The following PDE1C variants were observed in gnomAD, a reference collection of about 807,000 sequenced individuals.
The protein encoded by PDE1C is dual specificity calcium/calmodulin-dependent 3',5'-cyclic nucleotide phosphodiesterase 1C.
PDE1C carries 62 observed loss-of-function variants against 93.1 expected under a neutral mutation model. The observed-to-expected ratio is 0.67, with a 90% confidence interval of 0.54 to 0.82. The LOEUF (loss-of-function observed/expected upper bound fraction) is 0.82. PDE1C is among the 40% of genes least tolerant of loss of function. The probability of loss-of-function intolerance (pLI) is 0.00; values close to 1 mark genes in which losing one functional copy is unlikely to be tolerated. For synonymous variants in PDE1C, 325 were observed against 310.1 expected (o/e 1.05, Z -0.50); for missense variants, 742 against 884.6 (o/e 0.84, Z 2.04).
At chr7:31,903,219 A>C (rs1352347001) in intron 2 of PDE1C, among the ~76,000 whole-genome samples, 1 of 151,918 alleles carries the variant, frequency 6.6e-6, no homozygotes, top group African/African-American at 2.4e-5. Context: ...AAAATTAAAA[A>C]TTTTGCAAAT....
intron 1 of PDE1C, among the ~76,000 whole-genome samples, chr7:32,062,474 A>C (rs1794927656): frequency 6.6e-6 from 1 of 152,176 alleles, no homozygotes; most frequent in South Asian, 2.1e-4. Context: ...AGATCTTTAC[A>C]GGTATAAACA....
At chr7:31,814,670 A>G (rs6462305) in intron 15 of PDE1C, among the ~76,000 whole-genome samples, 79,123 of 148,360 alleles carry the variant, frequency 0.53, 23,310 homozygotes, top group Non-Finnish European at 0.66. Flanking sequence ...AGGCAAGAGA[A>G]TGAATATGTA....
At chr7:32,402,104 A>T (rs893924122) in intron 1 of PDE1C, among the ~76,000 whole-genome samples, 9 of 152,194 alleles carry the variant, frequency 5.9e-5, no homozygotes, top group African/African-American at 2.2e-4. Context: ...CACTAAAAAA[A>T]TATGTAATTT....
intron 7 of PDE1C, among the ~76,000 whole-genome samples, chr7:31,852,848 A>G (rs901867987): frequency 4.8e-5 from 4 of 83,088 alleles, no homozygotes; most frequent in Non-Finnish European, 2.7e-5. Context: ...CATATATTAC[A>G]TATGCAGTTT....
At chr7:32,017,713 A>G (rs1788096083) in intron 2 of PDE1C, among the ~76,000 whole-genome samples, 1 of 152,188 alleles carries the variant, frequency 6.6e-6, no homozygotes, top group Admixed American at 6.6e-5. Flanking sequence ...TCCTTCAAGG[A>G]AAATACACAA....
intron 2 of PDE1C, among the ~76,000 whole-genome samples, chr7:31,980,998 T>G (rs1178156974): frequency 6.6e-6 from 1 of 152,188 alleles, no homozygotes; most frequent in Non-Finnish European, 1.5e-5. Flanking sequence ...AAGTCCCTTC[T>G]GCCACATCAG....
chr7:31,723,029 T>G, the PDE1C span, among the ~76,000 whole-genome samples: 1 of 152,218 alleles, frequency 6.6e-6, no homozygotes, highest in African/African-American at 2.4e-5. Context: ...ATTCTTTGCC[T>G]TTACTCATTC....
At chr7:31,655,658 C>G in the PDE1C span, 2 of 848,246 alleles carry the variant, frequency 2.4e-6, no homozygotes, top group Non-Finnish European at 2.8e-6. Flanking sequence ...CCCTTTTTGC[C>G]ACATCCCCAT....
intron 2 of PDE1C, among the ~76,000 whole-genome samples, chr7:32,201,270 A>C (rs1562572265): frequency 6.6e-6 from 1 of 152,216 alleles, no homozygotes; most frequent in Non-Finnish European, 1.5e-5. Flanking sequence ...GAAACCTAAA[A>C]CTTCATCTTA....
chr7:32,297,445 T>A (rs1315848185), intron 1 of PDE1C, among the ~76,000 whole-genome samples: 1 of 152,192 alleles, frequency 6.6e-6, no homozygotes, highest in African/African-American at 2.4e-5. Context: ...TCTATCCTGC[T>A]GTTCTCCAAA....
At chr7:31,748,881 T>C (rs896669240), downstream of PDE1C, among the ~76,000 whole-genome samples, 2 of 152,182 alleles carry the variant, frequency 1.3e-5, no homozygotes, top group Non-Finnish European at 2.9e-5. Flanking sequence ...TTCTTTTAAA[T>C]TGAAAATGGA....
intron 3 of PDE1C, among the ~76,000 whole-genome samples, chr7:32,080,459 A>G (rs1796596135): frequency 6.6e-6 from 1 of 152,208 alleles, no homozygotes; most frequent in Non-Finnish European, 1.5e-5. Flanking sequence ...CACAAACTTG[A>G]GTGTTCTACT....
the PDE1C span, among the ~76,000 whole-genome samples, chr7:31,717,215 T>G: frequency 6.6e-6 from 1 of 152,268 alleles, no homozygotes; most frequent in Non-Finnish European, 1.5e-5. Flanking sequence ...AGTTACAATG[T>G]ACTAAACATA....
the PDE1C span, among the ~76,000 whole-genome samples, chr7:31,662,925 TAA>T: frequency 6.6e-6 from 1 of 152,176 alleles, no homozygotes; most frequent in Admixed American, 6.5e-5. Flanking sequence ...TTCTCTAATT[TAA>T]AAGTCTTCAA....
intron 1 of PDE1C, among the ~76,000 whole-genome samples, chr7:32,396,473 G>C (rs1291376782): frequency 6.7e-6 from 1 of 149,184 alleles, no homozygotes; most frequent in Admixed American, 6.7e-5. Context: ...GTGAGACCTT[G>C]TGTCAAAAAA....
In PDE1C at chr7:32,402,347, T is replaced by TG. The variant is rs1784963161; in HGVS notation, c.310+25474dup. Reference sequence around the variant, plus strand: ...CAAACTGGAGGCCCAAGAAAGCCAGTGGGGTAGTTTTAGCCCAAGCCCGGA... The same window carrying TG: ...CAAACTGGAGGCCCAAGAAAGCCAGTGGGGGTAGTTTTAGCCCAAGCCCGGA... On this transcript the variant is annotated intron_variant, in intron 1 of 1. Coordinates refer to the PDE1C transcript ENST00000672256. Among the ~76,000 whole-genome samples the TG allele has an allele frequency of 2.0e-5, 3 of 152,088 alleles. No homozygotes were observed. The South Asian group carries it at 6.2e-4, about 32-fold the overall frequency.
At chr7:32,239,490 G>T (rs995076633) in intron 1 of PDE1C, among the ~76,000 whole-genome samples, 6 of 152,000 alleles carry the variant, frequency 3.9e-5, no homozygotes, top group African/African-American at 1.5e-4. Context: ...AATACAAAAA[G>T]AACCCTGTAA....
chr7:32,312,616 T>G (rs1783072077), intron 1 of PDE1C, among the ~76,000 whole-genome samples: 1 of 152,230 alleles, frequency 6.6e-6, no homozygotes. Flanking sequence ...TACAACCATC[T>G]GGTCTTTGAC....
chr7:32,319,476 T>C (rs997875876), intron 1 of PDE1C, among the ~76,000 whole-genome samples: 21 of 152,070 alleles, frequency 1.4e-4, no homozygotes, highest in Non-Finnish European at 1.9e-4. Flanking sequence ...CTGGGAAAGT[T>C]AGGGGATCTC....
Sources: allele counts gnomAD v4.1 joint callset (sites outside exome capture counted in the v4.1 genomes callset), GRCh38; gene constraint gnomAD v4.1.1; transcripts MANE v1.5; gene names NCBI Gene and HGNC (gene_info 2026-07-23, HGNC 2026-07-21).